Variants in SLC44A1 observed in about 807,000 individuals in gnomAD.
SLC44A1 encodes the protein solute carrier family 44 member 1.
In SLC44A1, 26 loss-of-function variants were observed where a neutral mutation model predicts 79.3. The observed-to-expected ratio is 0.33, with a 90% CI of 0.24 to 0.46. The LOEUF is 0.46. Among genes scored for constraint, SLC44A1 ranks in the 20% least tolerant of loss-of-function variants. The pLI, the probability that SLC44A1 is intolerant of heterozygous loss-of-function variation, is 1.00. For missense variants in SLC44A1, 688 were observed against 798.1 expected (o/e 0.86, Z 1.66); for synonymous variants, 263 against 286.2 (o/e 0.92, Z 0.82).
chr9:105,308,787 C>T (rs779644211), intron 2 of SLC44A1, among the ~76,000 whole-genome samples: 6 of 152,160 alleles, frequency 3.9e-5, no homozygotes, highest in Non-Finnish European at 7.4e-5. Flanking sequence ...AACCTTTTAA[C>T]GATCAGATTG....
In SLC44A1 at chr9:105,395,176, AC is replaced by A; in HGVS notation, c.*6124del. ...AAGAAAGGAGAAAAGTCAGCCCCCT[AC>A]CCCACCCCACACTCCTAGAAAAGTT... On this transcript the variant is annotated 3_prime_UTR_variant, in exon 16 of 16. Transcript: ENST00000374720. 1.0e-6 allele frequency: 1 copy of A among 985,094 alleles called. No individual in the cohort carries two copies. The highest frequency in any genetic ancestry group is 1.2e-6 in the Non-Finnish European group (1 of 829,808). The allele number at this position is 985,094 out of a possible 1,614,324, so 61.0% of individuals were successfully genotyped here. A position where few individuals can be genotyped will look rare whatever the true frequency, so the allele number is the denominator to read the frequency against.
chr9:105,264,340 AT>A (rs1829910938), intron 1 of SLC44A1, among the ~76,000 whole-genome samples: 1 of 151,946 alleles, frequency 6.6e-6, no homozygotes, highest in South Asian at 2.1e-4. Context: ...ATTTTTAAAA[AT>A]TATTTTGTAG....
chr9:105,324,522 G>A (rs192760875), intron 3 of SLC44A1, among the ~76,000 whole-genome samples: 504 of 152,154 alleles, frequency 3.3e-3, no homozygotes, highest in Admixed American at 4.8e-3. Flanking sequence ...CAAAGTGCTG[G>A]GATTGCAGGC....
In SLC44A1 at chr9:105,348,454, A is replaced by G; in HGVS notation, c.500+3A>G. ...CCCAAACTACCAGTTCCAGCGAGGT[A>G]AATTTTATTGCAAAGTTGTTAACTT... is the stretch of plus-strand genomic sequence containing the variant. On this transcript the variant is annotated splice_donor_region_variant and intron_variant, in intron 5 of 15. Coordinates refer to ENST00000374720, the MANE Select transcript of SLC44A1 (RefSeq NM_080546.5). 6.4e-7 allele frequency: 1 copy of G among 1,561,606 alleles called. No individual in the cohort carries two copies. The highest frequency in any genetic ancestry group is 1.1e-5 in the South Asian group (1 of 89,880).
In SLC44A1 at chr9:105,309,680, A is replaced by G. The variant is rs746158763; in HGVS notation, c.127-44A>G. The G allele has an allele frequency of 5.0e-6, 8 of 1,590,100 alleles. No homozygotes were observed. In the South Asian group the frequency reaches 8.9e-5, roughly 18 times the overall value. On this transcript the variant is annotated intron_variant, in intron 2 of 15. Transcript: ENST00000374720. ...TCGTATCAACTAGTGACTGTTGGCTATTGAAATGGTTTATTTGTATGTTTT... is the reference window on the plus strand; with the variant it reads ...TCGTATCAACTAGTGACTGTTGGCTGTTGAAATGGTTTATTTGTATGTTTT...
chr9:105,420,977 T>C (rs1483122178), intron 15 of SLC44A1, among the ~76,000 whole-genome samples: 1 of 150,728 alleles, frequency 6.6e-6, no homozygotes, highest in Non-Finnish European at 1.5e-5. Flanking sequence ...GACACAGATA[T>C]ATAGCATAAT....
At chr9:105,251,209 C>T (rs553339109) in intron 1 of SLC44A1, among the ~76,000 whole-genome samples, 4 of 152,306 alleles carry the variant, frequency 2.6e-5, no homozygotes, top group South Asian at 4.1e-4. Context: ...CCCTCACCCC[C>T]GGCTTTTTCA....
chr9:105,356,155 G>A (rs1007745616), intron 5 of SLC44A1, 57 bp from the exon 6 acceptor site: 4 of 1,313,724 alleles, frequency 3.0e-6, no homozygotes, highest in African/African-American at 2.9e-5. Context: ...GTTTGATGTG[G>A]CATTTATATT....
At chr9:105,332,096 C>A (rs1011193569) in intron 3 of SLC44A1, among the ~76,000 whole-genome samples, 19 of 147,824 alleles carry the variant, frequency 1.3e-4, no homozygotes, top group African/African-American at 4.0e-4. Context: ...AGCTTAATAT[C>A]TTTTCTTTTC....
chr9:105,290,599 T>C (rs1214833338), intron 1 of SLC44A1, among the ~76,000 whole-genome samples: 2 of 152,220 alleles, frequency 1.3e-5, no homozygotes, highest in African/African-American at 4.8e-5. Flanking sequence ...AATTATCACG[T>C]GTTCATATGC....
intron 15 of SLC44A1, chr9:105,386,237 C>G: frequency 1.0e-6 from 1 of 982,410 alleles, no homozygotes; most frequent in Non-Finnish European, 1.2e-6. Flanking sequence ...CCTTGAGCTG[C>G]TTTTCACATG....
At chr9:105,335,486 C>T in intron 3 of SLC44A1, 77 bp from the exon 4 acceptor site, 1 of 1,099,768 alleles carries the variant, frequency 9.1e-7, no homozygotes, top group Non-Finnish European at 1.3e-6. Flanking sequence ...GTTCTTTGCT[C>T]TAGGCTTAGT....
chr9:105,420,925 G>T (rs1280273595), intron 15 of SLC44A1, among the ~76,000 whole-genome samples: 2 of 138,856 alleles, frequency 1.4e-5, no homozygotes, highest in African/African-American at 5.3e-5. Context: ...GTGTTGCTTT[G>T]ATGTCCTACT....
intron 15 of SLC44A1, among the ~76,000 whole-genome samples, chr9:105,432,137 G>A (rs1347344207): frequency 2.0e-5 from 3 of 152,162 alleles, no homozygotes; most frequent in Non-Finnish European, 2.9e-5. Context: ...GGCCAGGCTC[G>A]TCTCGAGCTC....
intron 1 of SLC44A1, among the ~76,000 whole-genome samples, chr9:105,283,900 C>T (rs1830416953): frequency 6.6e-6 from 1 of 152,128 alleles, no homozygotes; most frequent in African/African-American, 2.4e-5. Flanking sequence ...AAGGCAAGAG[C>T]ACAGTCAGAA....
intron 15 of SLC44A1, among the ~76,000 whole-genome samples, chr9:105,413,988 G>GT (rs1829132366): frequency 6.9e-6 from 1 of 145,496 alleles, no homozygotes; most frequent in African/African-American, 2.6e-5. Context: ...GAGTCAGAAA[G>GT]TTAAAAAAAA....
chr9:105,362,863 G>A lies in SLC44A1; in HGVS notation c.943G>A (p.Ala315Thr). Residue 315 changes from alanine to threonine, a missense_variant, in exon 9 of 16, where the codon GCT becomes ACT. Coordinates refer to ENST00000374720, the MANE Select transcript of SLC44A1 (RefSeq NM_080546.5). ...LIMLVMRKRV[A>T]LTIALFHVAG... ...AATGTTGGTTATGCGCAAACGTGTT[G>A]CTCTTACCATCGCCTTGTTCCACGT... The A allele has an allele frequency of 6.2e-7, 1 of 1,612,758 alleles. No homozygotes were observed.
chr9:105,425,317 G>C (rs1166228436), intron 15 of SLC44A1, among the ~76,000 whole-genome samples: 2 of 152,256 alleles, frequency 1.3e-5, no homozygotes, highest in South Asian at 2.1e-4. Context: ...AGTTTGAAGG[G>C]GGAAACAGGT....
At chr9:105,338,801 C>T (rs756228353) in intron 4 of SLC44A1, among the ~76,000 whole-genome samples, 5 of 152,182 alleles carry the variant, frequency 3.3e-5, no homozygotes, top group Non-Finnish European at 5.9e-5. Flanking sequence ...CATGTTGTTA[C>T]AGCATATTTC....
Sources: allele counts gnomAD v4.1 joint callset (sites outside exome capture counted in the v4.1 genomes callset), GRCh38; gene constraint gnomAD v4.1.1; transcripts MANE v1.5; gene names NCBI Gene and HGNC (gene_info 2026-07-23, HGNC 2026-07-21).